The following TMEM132C variants were observed in gnomAD, a reference collection of about 807,000 sequenced individuals.
TMEM132C encodes the protein protein phosphatase 1, regulatory subunit 152.
Under a neutral mutation model 61.4 loss-of-function variants are expected in TMEM132C, and 29 were observed. The ratio of observed to expected loss-of-function variants is 0.47; its 90% CI spans 0.35 to 0.64. TMEM132C has a LOEUF of 0.64. TMEM132C is among the 30% of genes least tolerant of loss of function. The pLI, the probability that TMEM132C is intolerant of heterozygous loss-of-function variation, is 0.00. For missense variants in TMEM132C, 1,408 were observed against 1,476.9 expected (o/e 0.95, Z 0.76); for synonymous variants, 656 against 633.1 (o/e 1.04, Z -0.54).
intron 4 of TMEM132C, among the ~76,000 whole-genome samples, chr12:128,657,803 TC>T (rs201563778): frequency 0.02 from 3,113 of 152,304 alleles, 64 homozygotes; most frequent in African/African-American, 0.054. Context: ...ACTTGGTGAA[TC>T]AGGACATTCA....
chr12:128,685,203 A>G (rs1400485639), intron 5 of TMEM132C, among the ~76,000 whole-genome samples: 1 of 152,166 alleles, frequency 6.6e-6, no homozygotes, highest in Non-Finnish European at 1.5e-5. Context: ...AATGGGAGGT[A>G]AGGAAGAGAG....
At chr12:128,592,440 G>A (rs1875786727) in intron 3 of TMEM132C, among the ~76,000 whole-genome samples, 1 of 152,346 alleles carries the variant, frequency 6.6e-6, no homozygotes, top group Admixed American at 6.5e-5. Context: ...TTCAGTGGAT[G>A]GACAAATGAT....
intron 2 of TMEM132C, among the ~76,000 whole-genome samples, chr12:128,518,709 G>A (rs543272181): frequency 6.6e-6 from 1 of 151,888 alleles, no homozygotes; most frequent in Non-Finnish European, 1.5e-5. Context: ...ATTATCTATT[G>A]GTGTGTGAAT....
At chr12:128,348,377 G>T (rs938923122) in intron 1 of TMEM132C, among the ~76,000 whole-genome samples, 2 of 152,160 alleles carry the variant, frequency 1.3e-5, no homozygotes, top group Admixed American at 6.5e-5. Context: ...CCTGAGAAGA[G>T]AAATGGTTTT....
Position 128,394,000 on chromosome 12 carries a change from G to A in TMEM132C, c.86-20732G>A, listed in dbSNP as rs1683712. Among the ~76,000 whole-genome samples the A allele has an allele frequency of 4.9e-3, 752 of 152,286 alleles. 9 individuals carry two copies. Among genetic ancestry groups the A allele is most frequent in the African/African-American group, 0.017 (711 of 41,552 alleles). On this transcript the variant is annotated intron_variant, in intron 1 of 8. Coordinates refer to ENST00000435159, the MANE Select transcript of TMEM132C (RefSeq NM_001136103.3). ...TGTATTAGTCCGTTTTCACACTGCT[G>A]ATAAAGGCACACCCAAGACTGGGTA... is the stretch of plus-strand genomic sequence containing the variant.
At chr12:128,493,287 G>A (rs1172252089) in intron 2 of TMEM132C, among the ~76,000 whole-genome samples, 1 of 152,168 alleles carries the variant, frequency 6.6e-6, no homozygotes, top group African/African-American at 2.4e-5. Context: ...GTAGCATGAT[G>A]CCTCCAGCTT....
intron 2 of TMEM132C, among the ~76,000 whole-genome samples, chr12:128,468,322 T>A (rs1478439782): frequency 6.6e-6 from 1 of 151,902 alleles, no homozygotes; most frequent in East Asian, 1.9e-4. Flanking sequence ...ATTTACTTTT[T>A]TTTTTTCTTT....
At chr12:128,677,236 T>C (rs1171364663) in intron 5 of TMEM132C, among the ~76,000 whole-genome samples, 1 of 152,122 alleles carries the variant, frequency 6.6e-6, no homozygotes, top group South Asian at 2.1e-4. Flanking sequence ...GATTTAGCAA[T>C]ATCCAGTCCG....
At position 128,630,897 on chromosome 12, in the gene TMEM132C, TG is replaced by T. The variant is rs1184405966; in HGVS notation, c.1305+14564del. On this transcript the variant is annotated intron_variant, in intron 4 of 8. Coordinates refer to ENST00000435159, the MANE Select transcript of TMEM132C (RefSeq NM_001136103.3). This position sits in a 1 kb window ranked among gnomAD's most constrained non-coding sequence, Gnocchi z 4.3. ...AAATACAAAAATTAGTCGGGCATGG[TG>T]GTATGTGCCTGTATTCCCAGCTACT... is the stretch of plus-strand genomic sequence containing the variant. Among the ~76,000 whole-genome samples, 1 of 151,890 alleles carries T rather than the reference TG, an allele frequency of 6.6e-6. No homozygotes were observed. Among genetic ancestry groups the T allele is most frequent in the Non-Finnish European group, 1.5e-5 (1 of 67,990 alleles).
chr12:128,494,431 C>A (rs1354445388), intron 2 of TMEM132C, among the ~76,000 whole-genome samples: 1 of 152,132 alleles, frequency 6.6e-6, no homozygotes, highest in East Asian at 1.9e-4. Flanking sequence ...GGTACCAGTT[C>A]CTCCTTGTAC....
chr12:128,560,873 T>C (rs1275980278), intron 3 of TMEM132C, among the ~76,000 whole-genome samples: 1 of 152,258 alleles, frequency 6.6e-6, no homozygotes, highest in East Asian at 1.9e-4. Context: ...GTATGAATGC[T>C]GAATGACTAG....
At chr12:128,380,045 C>T (rs1041437622) in intron 1 of TMEM132C, among the ~76,000 whole-genome samples, 1 of 152,260 alleles carries the variant, frequency 6.6e-6, no homozygotes, top group African/African-American at 2.4e-5. Flanking sequence ...CTCCATGCCT[C>T]AGTTTCCTTA....
intron 3 of TMEM132C, among the ~76,000 whole-genome samples, chr12:128,595,255 G>A (rs1234541917): frequency 2.0e-5 from 3 of 152,202 alleles, no homozygotes; most frequent in Non-Finnish European, 4.4e-5. Context: ...AGACCACCTT[G>A]GTGTCATAAT....
intron 4 of TMEM132C, among the ~76,000 whole-genome samples, chr12:128,663,277 C>T (rs566943913): frequency 1.3e-5 from 2 of 152,338 alleles, no homozygotes; most frequent in East Asian, 1.9e-4. Context: ...CTGACCACCA[C>T]TAATGCCGTT....
intron 8 of TMEM132C, among the ~76,000 whole-genome samples, chr12:128,701,119 T>C (rs745691446): frequency 2.0e-5 from 3 of 152,050 alleles, no homozygotes; most frequent in Non-Finnish European, 4.4e-5. Context: ...GGGATAAATA[T>C]AACAACTTCC....
At chr12:128,367,919 C>T (rs1294657755) in intron 1 of TMEM132C, among the ~76,000 whole-genome samples, 4 of 152,156 alleles carry the variant, frequency 2.6e-5, no homozygotes, top group African/African-American at 9.7e-5. Context: ...TTGAGGCTTG[C>T]ATTCTATTTC....
At chr12:128,664,237 G>A (rs766215715) in intron 4 of TMEM132C, among the ~76,000 whole-genome samples, 9,434 of 105,934 alleles carry the variant, frequency 0.089, 860 homozygotes, top group African/African-American at 0.31. Flanking sequence ...CCATGAAGTC[G>A]TTCCAGAAGT....
chr12:128,697,467 C>G (rs1954774696), intron 8 of TMEM132C, 52 bp downstream of exon 8: 4 of 1,471,170 alleles, frequency 2.7e-6, no homozygotes, highest in Middle Eastern at 2.1e-4. Context: ...GCCACTGTGC[C>G]TGCTTCAGCA....
chr12:128,414,716 CT>C lies in TMEM132C; in HGVS notation c.86-11del. On this transcript the variant is annotated splice_polypyrimidine_tract_variant and intron_variant, in intron 1 of 8. Coordinates refer to ENST00000435159, the MANE Select transcript of TMEM132C (RefSeq NM_001136103.3). Reference sequence around the variant, plus strand: ...CTGTCTTTGTCTTTTTCTTTTCTTTCTTTTTCCCTTTTTAGTGATAGAGGGT... The same window carrying C: ...CTGTCTTTGTCTTTTTCTTTTCTTTCTTTTCCCTTTTTAGTGATAGAGGGT... 1 of 1,495,772 alleles carries C rather than the reference CT, an allele frequency of 6.7e-7. No individual in the cohort carries two copies. The highest frequency in any genetic ancestry group is 8.9e-7 in the Non-Finnish European group (1 of 1,126,138). The allele number at this position is 1,495,772 out of a possible 1,614,324, so 92.7% of individuals were successfully genotyped here. A position where few individuals can be genotyped will look rare whatever the true frequency, so the allele number is the denominator to read the frequency against.
Sources: allele counts gnomAD v4.1 joint callset (sites outside exome capture counted in the v4.1 genomes callset), GRCh38; gene constraint gnomAD v4.1.1; non-coding constraint Gnocchi (gnomAD v3.1); transcripts MANE v1.5; gene names NCBI Gene and HGNC (gene_info 2026-07-23, HGNC 2026-07-21).